Variants in NRG1 observed in about 807,000 individuals in gnomAD.
NRG1 encodes the protein pro-neuregulin-1, membrane-bound isoform.
NRG1 carries 18 observed loss-of-function variants against 63.8 expected under a neutral mutation model. That is an observed-to-expected ratio of 0.28 (90% CI 0.19 to 0.42). The LOEUF (loss-of-function observed/expected upper bound fraction) is 0.42, where lower values mean the gene tolerates loss of function less well. Ranked by LOEUF, NRG1 falls within the 10% of genes least tolerant of loss-of-function variation. NRG1 has a pLI of 1.00. For synonymous variants in NRG1, 302 were observed against 301.3 expected, an observed-to-expected ratio of 1.00 and a Z score of -0.02; for missense variants, 762 against 814.7, an observed-to-expected ratio of 0.94 and a Z score of 0.79.
chr8:31,712,510 C>T (rs944558612), intron 1 of NRG1, among the ~76,000 whole-genome samples: 14 of 152,040 alleles, frequency 9.2e-5, no homozygotes, highest in Admixed American at 2.0e-4. Flanking sequence ...CCTTGTAATC[C>T]ACCTGCCTCG....
At chr8:32,407,588 T>A (rs567585566) in intron 1 of NRG1, among the ~76,000 whole-genome samples, 1 of 152,174 alleles carries the variant, frequency 6.6e-6, no homozygotes, top group African/African-American at 2.4e-5. Flanking sequence ...TCTGTGTTTT[T>A]GTGCCTCTGT....
chr8:31,797,748 G>C (rs1048044860), intron 1 of NRG1, among the ~76,000 whole-genome samples: 6 of 152,092 alleles, frequency 3.9e-5, no homozygotes, highest in African/African-American at 1.4e-4. Context: ...CACTATTTAT[G>C]GCAGCACTAT....
At chr8:32,398,772 C>G (rs1483217461) in intron 1 of NRG1, among the ~76,000 whole-genome samples, 1 of 151,992 alleles carries the variant, frequency 6.6e-6, no homozygotes, top group Non-Finnish European at 1.5e-5. Flanking sequence ...AACAGTTGGC[C>G]TGGGTGGTGC....
At chr8:31,680,032 A>G (rs77929613) in intron 1 of NRG1, among the ~76,000 whole-genome samples, 4,933 of 152,262 alleles carry the variant, frequency 0.032, 111 homozygotes, top group Non-Finnish European at 0.049. Context: ...TGATAAAACA[A>G]AGATCCTTGA....
chr8:32,334,235 T>C (rs1802986322), intron 1 of NRG1, among the ~76,000 whole-genome samples: 1 of 152,194 alleles, frequency 6.6e-6, no homozygotes, highest in South Asian at 2.1e-4. Context: ...CAAAAATATT[T>C]GTTGAGTGAA....
At chr8:32,250,172 C>T (rs1848956002) in intron 1 of NRG1, among the ~76,000 whole-genome samples, 1 of 152,010 alleles carries the variant, frequency 6.6e-6, no homozygotes, top group South Asian at 2.1e-4. Flanking sequence ...TTTGTTGAGG[C>T]TATATGAAAT....
At chr8:32,421,853 T>C (rs1816738278) in intron 1 of NRG1, among the ~76,000 whole-genome samples, 1 of 152,064 alleles carries the variant, frequency 6.6e-6, no homozygotes, top group Non-Finnish European at 1.5e-5. Flanking sequence ...TTAATGCAGA[T>C]ACATGAAAAA....
rs548644084 is a variant in NRG1 at position 32,176,915 on chromosome 8, T to C, written c.38-418913T>C. Among the ~76,000 whole-genome samples the C allele has an allele frequency of 5.1e-3, 771 of 152,220 alleles. 10 individuals carry two copies. The highest frequency in any genetic ancestry group is 0.018 in the African/African-American group (739 of 41,524). On this transcript the variant is annotated intron_variant, in intron 1 of 10. Coordinates refer to the NRG1 transcript ENST00000519301. Reference sequence around the variant, plus strand: ...CTAGTTCAACCACTGTGGAAGTCAGTGTGGCGATTCCTCAGGGATCTAGAA... The same window carrying C: ...CTAGTTCAACCACTGTGGAAGTCAGCGTGGCGATTCCTCAGGGATCTAGAA...
At chr8:31,926,455 C>T (rs1214437854) in intron 1 of NRG1, among the ~76,000 whole-genome samples, 1 of 152,094 alleles carries the variant, frequency 6.6e-6, no homozygotes, top group Admixed American at 6.5e-5. Flanking sequence ...AACATTTCCC[C>T]TGCATTTATA....
At chr8:32,093,164 A>G (rs1398877709) in intron 1 of NRG1, among the ~76,000 whole-genome samples, 1 of 152,172 alleles carries the variant, frequency 6.6e-6, no homozygotes, top group Non-Finnish European at 1.5e-5. Flanking sequence ...GATGCTGTTA[A>G]TCTGTAACCC....
chr8:31,819,324 T>G (rs976245942), intron 1 of NRG1, among the ~76,000 whole-genome samples: 1 of 152,238 alleles, frequency 6.6e-6, no homozygotes, highest in African/African-American at 2.4e-5. Flanking sequence ...AAACATATTG[T>G]TACATTGTTA....
chr8:32,491,517 C>A (rs1486385882), intron 1 of NRG1, among the ~76,000 whole-genome samples: 1 of 152,148 alleles, frequency 6.6e-6, no homozygotes, highest in East Asian at 1.9e-4. Flanking sequence ...TTCTTCTGTG[C>A]AAACGAAGTA....
intron 5 of NRG1, among the ~76,000 whole-genome samples, chr8:32,687,209 G>A (rs543278370): frequency 2.6e-5 from 4 of 152,312 alleles, no homozygotes; most frequent in African/African-American, 9.6e-5. Flanking sequence ...AATATAAAAT[G>A]TGTTCTTATT....
chr8:31,795,734 A>G (rs1038051166), intron 1 of NRG1, among the ~76,000 whole-genome samples: 2 of 152,164 alleles, frequency 1.3e-5, no homozygotes, highest in African/African-American at 4.8e-5. Context: ...TGTAGGTACA[A>G]TCTTCCGTAT....
chr8:32,291,278 T>C (rs554096935), intron 1 of NRG1, among the ~76,000 whole-genome samples: 119 of 152,292 alleles, frequency 7.8e-4, no homozygotes, highest in Middle Eastern at 3.4e-3. Context: ...AGAATAATGC[T>C]TGACCAAATG....
At chr8:32,283,996 C>A (rs1249547017) in intron 1 of NRG1, among the ~76,000 whole-genome samples, 1 of 152,158 alleles carries the variant, frequency 6.6e-6, no homozygotes, top group Non-Finnish European at 1.5e-5. Flanking sequence ...GGACCTGGTG[C>A]TTAAGAGTTT....
intron 1 of NRG1, among the ~76,000 whole-genome samples, chr8:31,776,117 A>G (rs903078101): frequency 2.0e-5 from 3 of 152,214 alleles, no homozygotes; most frequent in Non-Finnish European, 4.4e-5. Context: ...AAAGTGCACT[A>G]GAAGCTCAAA....
intron 1 of NRG1, among the ~76,000 whole-genome samples, chr8:31,854,074 T>C (rs1827560673): frequency 6.6e-6 from 1 of 151,388 alleles, no homozygotes; most frequent in East Asian, 1.9e-4. Context: ...TAAAATTCTC[T>C]TTTTTTGTTG....
At chr8:31,649,688 G>A (rs1358224781) in intron 1 of NRG1, among the ~76,000 whole-genome samples, 1 of 152,138 alleles carries the variant, frequency 6.6e-6, no homozygotes, top group African/African-American at 2.4e-5. Flanking sequence ...TAAAGAATAA[G>A]CTTAGAAATA....
Sources: allele counts gnomAD v4.1 joint callset (sites outside exome capture counted in the v4.1 genomes callset), GRCh38; gene constraint gnomAD v4.1.1; transcripts MANE v1.5; gene names NCBI Gene and HGNC (gene_info 2026-07-23, HGNC 2026-07-21).